Variants in COL27A1 observed in about 807,000 individuals in gnomAD.
COL27A1 encodes the protein collagen type XXVII alpha 1 chain.
Under a neutral mutation model 251.3 loss-of-function variants are expected in COL27A1, and 106 were observed. The observed-to-expected ratio is 0.42, with a 90% confidence interval of 0.36 to 0.50. The LOEUF is 0.50. COL27A1 is among the 20% of genes least tolerant of loss of function. COL27A1 has a pLI of 0.00. For synonymous variants in COL27A1, 1,000 were observed against 986.3 expected, an observed-to-expected ratio of 1.01 and a Z score of -0.26; for missense variants, 2,325 against 2,522.8, an observed-to-expected ratio of 0.92 and a Z score of 1.68.
chr9:114,295,272 C>T (rs952990866), intron 49 of COL27A1, among the ~76,000 whole-genome samples: 7 of 152,154 alleles, frequency 4.6e-5, no homozygotes, highest in Non-Finnish European at 4.4e-5. Context: ...CTATAGAACA[C>T]TGGTAAGAGA....
intron 13 of COL27A1, among the ~76,000 whole-genome samples, chr9:114,221,393 G>A (rs55700184): frequency 0.033 from 5,065 of 152,272 alleles, 221 homozygotes; most frequent in African/African-American, 0.099. Flanking sequence ...TTTCCTTGGC[G>A]AGCGGCAGGG....
intron 21 of COL27A1, among the ~76,000 whole-genome samples, chr9:114,241,394 G>A (rs905476411): frequency 1.4e-4 from 22 of 152,358 alleles, no homozygotes; most frequent in African/African-American, 5.0e-4. Context: ...GAGCCACCAC[G>A]TGGAGCTGCT....
chr9:114,162,850 G>C (rs527663282), intron 2 of COL27A1, 65 bp downstream of exon 2: 2 of 1,193,604 alleles, frequency 1.7e-6, no homozygotes, highest in East Asian at 4.7e-5. Flanking sequence ...GAGAACTCAG[G>C]GGTAGGAGAC....
chr9:114,217,728 A>G (rs1564481305), intron 12 of COL27A1: 1 of 469,028 alleles, frequency 2.1e-6, no homozygotes, highest in Non-Finnish European at 4.4e-6. Context: ...CAGCCAGACA[A>G]CATTGCCCTT....
Position 114,237,678 on chromosome 9 carries a change from A to G in COL27A1, c.2690A>G (p.Lys897Arg), listed in dbSNP as rs761205633. Residue 897 changes from lysine (K) to arginine (R), a missense_variant, in exon 19 of 61, where the codon AAA becomes AGA. Around this residue, in one of 4 missense-constraint regions of COL27A1, gnomAD observed 662 missense variants for 795.3 expected, o/e 0.83. Coordinates refer to ENST00000356083, the MANE Select transcript of COL27A1 (RefSeq NM_032888.4). Reference sequence around the variant, plus strand: ...CTTCCACAGGGCAAAGTCGGAGACAAAGGATCCATTGGGTTTCCCGGGCCC... The same window carrying G: ...CTTCCACAGGGCAAAGTCGGAGACAGAGGATCCATTGGGTTTCCCGGGCCC... ...KPGPLGKVGD[K>R]GSIGFPGPPG... is the part of the protein sequence containing the mutation. 6 of 1,614,130 alleles carry G rather than the reference A, an allele frequency of 3.7e-6. No homozygotes were observed. The highest frequency in any genetic ancestry group is 3.4e-6 in the Non-Finnish European group (4 of 1,180,002).
At chr9:114,241,217 C>G (rs1459535146) in intron 21 of COL27A1, among the ~76,000 whole-genome samples, 1 of 152,254 alleles carries the variant, frequency 6.6e-6, no homozygotes, top group African/African-American at 2.4e-5. Flanking sequence ...CTTAGCCTTC[C>G]CATGCCCCAC....
chr9:114,254,736 C>T (rs1479880280), intron 27 of COL27A1, among the ~76,000 whole-genome samples: 1 of 152,190 alleles, frequency 6.6e-6, no homozygotes, highest in Non-Finnish European at 1.5e-5. Flanking sequence ...ATTAGGGAAG[C>T]AAGGCCAACT....
chr9:114,274,433 C>T (rs1425784409), intron 36 of COL27A1, among the ~76,000 whole-genome samples: 1 of 152,146 alleles, frequency 6.6e-6, no homozygotes, highest in Non-Finnish European at 1.5e-5. Flanking sequence ...TTTAGCTCTG[C>T]CTCAGTTTCC....
intron 12 of COL27A1, 144 bp from the exon 13 acceptor site, chr9:114,219,647 T>C: frequency 1.6e-6 from 1 of 620,068 alleles, no homozygotes. Flanking sequence ...AGGGGTGACC[T>C]CAGGACCGCA....
Position 114,168,968 on chromosome 9 carries a change from G to A in COL27A1, c.1413G>A (p.Pro471=), listed in dbSNP as rs762347705. 15 of 1,613,990 alleles carry A rather than the reference G, an allele frequency of 9.3e-6. No homozygotes were observed. Among genetic ancestry groups the A allele is most frequent in the East Asian group, 4.5e-5 (2 of 44,850 alleles). ...EAKITSHASK[P]ASARTSTHKP... The stretch of plus-strand genomic sequence containing the variant: ...AGATAACCAGCCATGCCAGTAAGCC[G>A]GCCTCTGCCCGCACCAGCACCCACA... Residue 471 remains proline (P), a synonymous_variant, in exon 3 of 61, where the codon CCG becomes CCA. Coordinates refer to ENST00000356083, the MANE Select transcript of COL27A1 (RefSeq NM_032888.4).
chr9:114,286,688 A>G (rs1271235132), intron 41 of COL27A1, among the ~76,000 whole-genome samples: 3 of 152,202 alleles, frequency 2.0e-5, no homozygotes, highest in Admixed American at 6.5e-5. Context: ...ACATGTATAC[A>G]TATGTAACAA....
chr9:114,250,588 T>C, intron 24 of COL27A1, 27 bp from the exon 25 acceptor site: 1 of 1,608,644 alleles, frequency 6.2e-7, no homozygotes, highest in Non-Finnish European at 8.5e-7. Flanking sequence ...ACGTTGTTTC[T>C]CTTGCTTTCG....
rs1834629457 is a variant in COL27A1, at chr9:114,264,932, A to G, written c.3258A>G (p.Pro1086=). Residue 1086 remains proline, a synonymous_variant, in exon 30 of 61, where the codon CCA becomes CCG. Transcript: ENST00000356083. ...EQGSRGLKGP[P]GPQGRPGRPG... is the part of the protein sequence containing the mutation. ...TGCTCTGCTTCCCACAGGGCCCTCC[A>G]GGACCCCAGGGCAGACCGGGCCGGC... 5 of 1,612,754 alleles carry G rather than the reference A, an allele frequency of 3.1e-6. No individual in the cohort carries two copies. The highest frequency in any genetic ancestry group is 3.4e-6 in the Non-Finnish European group (4 of 1,179,208).
At chr9:114,286,757 A>G (rs1347670717) in intron 41 of COL27A1, among the ~76,000 whole-genome samples, 1 of 152,204 alleles carries the variant, frequency 6.6e-6, no homozygotes, top group Non-Finnish European at 1.5e-5. Context: ...TAGAATTAAA[A>G]AAAAATGCAT....
At chr9:114,209,434 TC>T in intron 10 of COL27A1, 1 of 762,822 alleles carries the variant, frequency 1.3e-6, no homozygotes, top group Non-Finnish European at 2.5e-6. Context: ...CCTGCGCCCT[TC>T]CCTGGCGTGA....
chr9:114,182,086 C>G (rs1158099111), intron 4 of COL27A1, among the ~76,000 whole-genome samples: 2 of 151,948 alleles, frequency 1.3e-5, no homozygotes, highest in Admixed American at 6.6e-5. Context: ...CGCCTGTAAT[C>G]CCAGCACTTC....
chr9:114,278,764 C>G (rs558532251), intron 37 of COL27A1, among the ~76,000 whole-genome samples: 1 of 151,838 alleles, frequency 6.6e-6, no homozygotes, highest in Non-Finnish European at 1.5e-5. Context: ...TTGGGCCAGA[C>G]GAAGTGTGTG....
At chr9:114,302,752 C>T (rs1008805317) in intron 56 of COL27A1, among the ~76,000 whole-genome samples, 2 of 149,568 alleles carry the variant, frequency 1.3e-5, no homozygotes, top group South Asian at 2.1e-4. Context: ...CAAAGAGAGT[C>T]GGGCCAGGGG....
At chr9:114,270,805 C>T in intron 36 of COL27A1, 24 bp downstream of exon 36, 2 of 1,587,000 alleles carry the variant, frequency 1.3e-6, no homozygotes, top group South Asian at 1.1e-5. Flanking sequence ...TAGGGCAGGG[C>T]CTGGGGACCC....
Sources: gnomAD v4.1 joint callset for allele counts (sites outside exome capture counted in the v4.1 genomes callset) on GRCh38, gnomAD v4.1.1 for gene constraint, gnomAD v4.1.1 regional missense constraint, MANE v1.5 for transcripts, NCBI Gene and HGNC (gene_info 2026-07-23, HGNC 2026-07-21) for gene names.